Variants in NOS1AP observed in about 807,000 individuals in gnomAD.
NOS1AP encodes the protein nitric oxide synthase 1 adaptor protein.
NOS1AP carries 21 observed loss-of-function variants against 56.2 expected under a neutral mutation model. The ratio of observed to expected loss-of-function variants is 0.37; its 90% CI spans 0.26 to 0.54. The LOEUF is 0.54. Among genes scored for constraint, NOS1AP ranks in the 20% least tolerant of loss-of-function variants. NOS1AP has a pLI of 0.84. For synonymous variants in NOS1AP, 270 were observed against 274.6 expected (o/e 0.98, Z 0.17); for missense variants, 522 against 657.8 (o/e 0.79, Z 2.26).
In NOS1AP at chr1:162,367,314, G is replaced by T. The variant is rs1229473244; in HGVS notation, c.1368G>T (p.Lys456Asn). The T allele has an allele frequency of 6.2e-7, 1 of 1,613,236 alleles. No homozygotes were observed. Among genetic ancestry groups the T allele is most frequent in the African/African-American group, 1.3e-5 (1 of 74,956 alleles). ...EALLGGLELI[K>N]FRESGIASEY... ...TCCTGGGCGGTCTGGAGCTCATCAA[G>T]TTCCGAGAGTCAGGCATCGCCTCGG... Residue 456 changes from lysine to asparagine, a missense_variant, in exon 10 of 10, where the codon AAG becomes AAT. Around this residue, in one of 4 missense-constraint regions of NOS1AP, gnomAD observed 160 missense variants for 180.3 expected, o/e 0.89. Transcript: ENST00000361897. The surrounding 1 kb of genome is among the most constrained non-coding windows in gnomAD (Gnocchi z 6.5).
At chr1:162,233,093 G>C (rs1653174287) in intron 2 of NOS1AP, among the ~76,000 whole-genome samples, 1 of 152,198 alleles carries the variant, frequency 6.6e-6, no homozygotes, top group Admixed American at 6.5e-5. Context: ...TAAAACACAG[G>C]TTGCTGGGCC....
intron 2 of NOS1AP, among the ~76,000 whole-genome samples, chr1:162,280,327 A>G (rs1218004448): frequency 6.6e-6 from 1 of 152,252 alleles, no homozygotes; most frequent in Non-Finnish European, 1.5e-5. Flanking sequence ...ATAAGAATCT[A>G]TCTTGTTACA....
In NOS1AP at chr1:162,356,506, C is replaced by T. The variant is rs1272930951; in HGVS notation, c.763-454C>T. ...GCTTCTCCCAACAAGGGAGAAGGAA[C>T]ATCTCAGACCCTGGAGGAGGGAGCC... On this transcript the variant is annotated intron_variant, in intron 7 of 9. Transcript: ENST00000361897. Among the ~76,000 whole-genome samples, 4 of 152,174 alleles carry T rather than the reference C, an allele frequency of 2.6e-5. No homozygotes were observed. In the East Asian group the frequency reaches 7.7e-4, roughly 29 times the overall value.
chr1:162,114,894 C>G (rs1398181461), intron 1 of NOS1AP, among the ~76,000 whole-genome samples: 1 of 152,200 alleles, frequency 6.6e-6, no homozygotes, highest in Non-Finnish European at 1.5e-5. Flanking sequence ...TCTCCTGTTG[C>G]ATTTGTCTGT....
chr1:162,359,609 C>T (rs1657822200), intron 8 of NOS1AP, among the ~76,000 whole-genome samples: 1 of 152,246 alleles, frequency 6.6e-6, no homozygotes, highest in African/African-American at 2.4e-5. Flanking sequence ...GTGTCTATAT[C>T]CTTGGGTAAA....
In NOS1AP at chr1:162,281,048, C is replaced by T. The variant is rs568440794; in HGVS notation, c.178-6296C>T. Among the ~76,000 whole-genome samples the T allele has an allele frequency of 2.6e-5, 4 of 152,318 alleles. No individual in the cohort carries two copies. In the South Asian group the frequency reaches 8.3e-4, roughly 32 times the overall value. On this transcript the variant is annotated intron_variant, in intron 2 of 9. Transcript: ENST00000361897. ...TAGCCCACAGAACAGAAATTCATCTCACGACCATCCCCCCAATCATTACTC... is the reference window on the plus strand; with the variant it reads ...TAGCCCACAGAACAGAAATTCATCTTACGACCATCCCCCCAATCATTACTC...
chr1:162,214,282 T>C (rs1311161609), intron 2 of NOS1AP, among the ~76,000 whole-genome samples: 4 of 152,186 alleles, frequency 2.6e-5, no homozygotes, highest in Admixed American at 2.6e-4. Context: ...CATTCATTCA[T>C]TCATTCATTC....
At chr1:162,167,336 G>C (rs548973979) in intron 2 of NOS1AP, among the ~76,000 whole-genome samples, 3 of 152,264 alleles carry the variant, frequency 2.0e-5, no homozygotes, top group Non-Finnish European at 4.4e-5. Context: ...AATAGGTGGA[G>C]TGTACATCTA....
At chr1:162,304,250 C>A (rs1655746661) in intron 4 of NOS1AP, among the ~76,000 whole-genome samples, 1 of 152,028 alleles carries the variant, frequency 6.6e-6, no homozygotes, top group Admixed American at 6.6e-5. Context: ...TCCAGTTGTT[C>A]TAGCCCTGTT....
rs546407938 is a variant in NOS1AP at position 162,144,663 on chromosome 1, G to A, written c.106-9742G>A. Reference sequence around the variant, plus strand: ...CATGGCAGAAAGTGCTGCCGGCCCAGGGTACAGCCCGGCCTCTGCCTCACA... The same window carrying A: ...CATGGCAGAAAGTGCTGCCGGCCCAAGGTACAGCCCGGCCTCTGCCTCACA... On this transcript the variant is annotated intron_variant, in intron 1 of 9. Coordinates refer to ENST00000361897, the MANE Select transcript of NOS1AP (RefSeq NM_014697.3). 3.9e-5 allele frequency among the ~76,000 whole-genome samples: 6 copies of A among 152,280 alleles called. No homozygotes were observed. The South Asian group carries it at 1.2e-3, about 32-fold the overall frequency.
intron 8 of NOS1AP, among the ~76,000 whole-genome samples, chr1:162,362,377 G>T (rs1657930926): frequency 6.6e-6 from 1 of 150,882 alleles, no homozygotes; most frequent in Admixed American, 6.6e-5. Context: ...CTTGAACCCA[G>T]GAGGGAGAGG....
At chr1:162,120,703 G>A (rs557762651) in intron 1 of NOS1AP, among the ~76,000 whole-genome samples, 6 of 152,166 alleles carry the variant, frequency 3.9e-5, no homozygotes, top group East Asian at 3.9e-4. Context: ...CCCATGATTC[G>A]ATTATCTCCC....
chr1:162,319,237 G>A (rs1377720067), intron 4 of NOS1AP, among the ~76,000 whole-genome samples: 1 of 152,172 alleles, frequency 6.6e-6, no homozygotes, highest in African/African-American at 2.4e-5. Flanking sequence ...CAGCAGAATG[G>A]GGATTTGAGT....
chr1:162,294,588 C>T (rs1283223671), intron 3 of NOS1AP, among the ~76,000 whole-genome samples: 2 of 152,206 alleles, frequency 1.3e-5, no homozygotes, highest in Non-Finnish European at 2.9e-5. Flanking sequence ...AGTTAACCTA[C>T]TCCCTCTATC....
chr1:162,106,684 A>G (rs1296258225), intron 1 of NOS1AP, among the ~76,000 whole-genome samples: 1 of 152,258 alleles, frequency 6.6e-6, no homozygotes, highest in Non-Finnish European at 1.5e-5. Flanking sequence ...GATTACATCC[A>G]GATAGCATTT....
chr1:162,351,507 C>T (rs1657495136), intron 6 of NOS1AP, among the ~76,000 whole-genome samples: 1 of 152,206 alleles, frequency 6.6e-6, no homozygotes. Flanking sequence ...TCCCCCCCTT[C>T]TGTCTCAGTG....
chr1:162,303,107 G>A (rs904604422), intron 4 of NOS1AP, among the ~76,000 whole-genome samples: 3 of 152,090 alleles, frequency 2.0e-5, no homozygotes, highest in Admixed American at 2.0e-4. Context: ...GTTTTGGGCT[G>A]TTACTATTAA....
chr1:162,367,459 GCCGTGTAGGTGC>G lies in NOS1AP; in HGVS notation c.1515_*5del. 1 of 1,559,768 alleles carries G rather than the reference GCCGTGTAGGTGC, an allele frequency of 6.4e-7. No individual in the cohort carries two copies. The highest frequency in any genetic ancestry group is 8.7e-7 in the Non-Finnish European group (1 of 1,149,398). On this transcript the variant is annotated stop_lost and 3_prime_UTR_variant, in exon 10 of 10. Transcript: ENST00000361897. The surrounding 1 kb of genome is among the most constrained non-coding windows in gnomAD (Gnocchi z 6.5). ...GGGCGACGGCCTGGATGATGAGATC[GCCGTGTAGGTGC>G]CGAGGGCGAGGAGATGGAGGCGGCG...
At position 162,223,773 on chromosome 1, in the gene NOS1AP, C is replaced by G. The variant is rs144067072; in HGVS notation, c.178-63571C>G. Among the ~76,000 whole-genome samples the G allele has an allele frequency of 4.8e-3, 730 of 152,232 alleles. 5 individuals carry two copies. The highest frequency in any genetic ancestry group is 0.015 in the African/African-American group (636 of 41,536). On this transcript the variant is annotated intron_variant, in intron 2 of 9. Transcript: ENST00000361897. ...AGCATGCGCCTTGCAGTTCAGAATA[C>G]CTGCTACCCATAATGGCAGTTTAGT...
Sources: gnomAD v4.1 joint callset for allele counts (sites outside exome capture counted in the v4.1 genomes callset) on GRCh38, gnomAD v4.1.1 for gene constraint, gnomAD v4.1.1 regional missense constraint, Gnocchi (gnomAD v3.1) non-coding constraint, MANE v1.5 for transcripts, NCBI Gene and HGNC (gene_info 2026-07-23, HGNC 2026-07-21) for gene names.